The following PKIB variants were observed in gnomAD, a reference collection of about 807,000 sequenced individuals.
PKIB encodes the protein PKI-beta.
PKIB carries 2 observed loss-of-function variants against 4.5 expected under a neutral mutation model. That is an observed-to-expected ratio of 0.44 (90% CI 0.18 to 1.39). PKIB has a LOEUF of 1.39. Among genes scored for constraint, PKIB ranks in the 40% most tolerant of loss-of-function variants. The pLI is 0.27. For missense variants in PKIB, 94 were observed against 92.6 expected, an observed-to-expected ratio of 1.02 and a Z score of -0.06; for synonymous variants, 38 against 36.0, an observed-to-expected ratio of 1.06 and a Z score of -0.20.
At chr6:122,686,532 C>G (rs1186233080) in intron 3 of PKIB, among the ~76,000 whole-genome samples, 1 of 151,786 alleles carries the variant, frequency 6.6e-6, no homozygotes, top group East Asian at 1.9e-4. Flanking sequence ...GGATCTCACT[C>G]TTTCATCCAG....
rs553165011 is a variant in PKIB, at chr6:122,586,498, A to T, written c.-161+491A>T. On this transcript the variant is annotated intron_variant, in intron 3 of 6. Coordinates refer to the PKIB transcript ENST00000392491. ...CTTTGATGCTACTACAACTTCAAAG[A>T]GAGTTTAAATAAATGAAGAGAATGT... Among the ~76,000 whole-genome samples, 22 of 152,260 alleles carry T rather than the reference A, an allele frequency of 1.4e-4. 1 individual carries two copies. The South Asian group carries it at 3.7e-3, about 26-fold the overall frequency.
At chr6:122,506,760 C>T (rs937982647) in intron 2 of PKIB, among the ~76,000 whole-genome samples, 6 of 134,896 alleles carry the variant, frequency 4.4e-5, no homozygotes, top group South Asian at 2.3e-4. Flanking sequence ...AGTGCAGTGG[C>T]GCAATCTCGG....
intron 2 of PKIB, among the ~76,000 whole-genome samples, chr6:122,577,812 G>A (rs934065733): frequency 1.3e-5 from 2 of 151,718 alleles, no homozygotes; most frequent in Non-Finnish European, 2.9e-5. Flanking sequence ...AGGAGGCTGA[G>A]GCAGGAGAAT....
chr6:122,608,061 C>T (rs898856196), upstream of PKIB, among the ~76,000 whole-genome samples: 4 of 152,164 alleles, frequency 2.6e-5, no homozygotes, highest in South Asian at 6.2e-4. Flanking sequence ...CTTCGTTCTA[C>T]GTCAGCCAAC....
intron 2 of PKIB, among the ~76,000 whole-genome samples, chr6:122,633,636 T>G (rs1420562268): frequency 6.6e-6 from 1 of 152,146 alleles, no homozygotes; most frequent in Non-Finnish European, 1.5e-5. Flanking sequence ...GGTTTGATAT[T>G]TCCACTCTTA....
intron 1 of PKIB, among the ~76,000 whole-genome samples, chr6:122,474,779 AT>A (rs1400361152): frequency 2.0e-5 from 3 of 152,226 alleles, no homozygotes; most frequent in African/African-American, 4.8e-5. Flanking sequence ...TCCTTAGAAG[AT>A]AGTCCAGGTT....
intron 2 of PKIB, among the ~76,000 whole-genome samples, chr6:122,637,059 A>C (rs905617643): frequency 6.6e-6 from 1 of 152,232 alleles, no homozygotes; most frequent in Admixed American, 6.5e-5. Flanking sequence ...AATACTTGTC[A>C]GATTGATAAA....
At chr6:122,499,891 A>C (rs577228884) in intron 2 of PKIB, among the ~76,000 whole-genome samples, 1 of 152,312 alleles carries the variant, frequency 6.6e-6, no homozygotes, top group Admixed American at 6.5e-5. Context: ...TATGTACAAA[A>C]ATCAGTAGCA....
At chr6:122,718,467 T>A (rs1023655769) in intron 4 of PKIB, among the ~76,000 whole-genome samples, 1 of 152,170 alleles carries the variant, frequency 6.6e-6, no homozygotes, top group African/African-American at 2.4e-5. Flanking sequence ...ATACTTTATA[T>A]GAAAGTATAA....
In PKIB at chr6:122,704,059, G is replaced by C. The variant is rs1191641644; in HGVS notation, c.-8-13728G>C. Among the ~76,000 whole-genome samples, 4 of 151,750 alleles carry C rather than the reference G, an allele frequency of 2.6e-5. No individual in the cohort carries two copies. In the East Asian group the frequency reaches 7.8e-4, roughly 29 times the overall value. ...CAGGAGAGCTAATGATATGGTTCCA[G>C]TTTGTGTTCAAGTCTGATAACCGGG... is the stretch of plus-strand genomic sequence containing the variant. On this transcript the variant is annotated intron_variant, in intron 3 of 4. Transcript: ENST00000368452.
At chr6:122,541,084 G>A (rs1440148628) in intron 2 of PKIB, among the ~76,000 whole-genome samples, 5 of 150,912 alleles carry the variant, frequency 3.3e-5, no homozygotes, top group East Asian at 3.9e-4. Flanking sequence ...GTCTCTGCAC[G>A]TGAGATGGGT....
At chr6:122,719,404 A>C (rs1042615689) in intron 4 of PKIB, among the ~76,000 whole-genome samples, 3 of 152,194 alleles carry the variant, frequency 2.0e-5, no homozygotes, top group Non-Finnish European at 4.4e-5. Flanking sequence ...TTTACAAATA[A>C]CACCAGATGC....
At chr6:122,692,585 T>G (rs1162589636) in intron 3 of PKIB, among the ~76,000 whole-genome samples, 2 of 152,164 alleles carry the variant, frequency 1.3e-5, no homozygotes, top group Non-Finnish European at 1.5e-5. Context: ...TTCAGGGCAG[T>G]GGGCTCCCAT....
At chr6:122,486,054 C>T (rs1205239457) in intron 2 of PKIB, among the ~76,000 whole-genome samples, 1 of 152,032 alleles carries the variant, frequency 6.6e-6, no homozygotes, top group East Asian at 1.9e-4. Context: ...ACAAAATATA[C>T]CCATGTAACC....
At chr6:122,697,129 G>A (rs1013953752) in intron 3 of PKIB, among the ~76,000 whole-genome samples, 1 of 152,236 alleles carries the variant, frequency 6.6e-6, no homozygotes, top group Admixed American at 6.5e-5. Flanking sequence ...AATTAAGAGG[G>A]TAGGGTGCTC....
intron 2 of PKIB, among the ~76,000 whole-genome samples, chr6:122,543,567 G>A (rs578175597): frequency 6.6e-6 from 1 of 151,824 alleles, no homozygotes; most frequent in South Asian, 2.1e-4. Context: ...TTTAGTAGAG[G>A]CAGTGTTTCA....
intron 3 of PKIB, among the ~76,000 whole-genome samples, chr6:122,589,217 G>C (rs78993986): frequency 3.3e-5 from 5 of 152,076 alleles, no homozygotes; most frequent in Non-Finnish European, 7.4e-5. Context: ...ATGTTTTTGC[G>C]TAGGGGAATG....
At chr6:122,670,161 A>G (rs1413686917) in intron 2 of PKIB, among the ~76,000 whole-genome samples, 2 of 152,074 alleles carry the variant, frequency 1.3e-5, no homozygotes, top group African/African-American at 4.8e-5. Context: ...CTCTTTCAGT[A>G]TGTAACCTGG....
rs562097472 is a variant in PKIB at position 122,625,056 on chromosome 6, A to G, written c.-160-8227A>G. On this transcript the variant is annotated intron_variant, in intron 1 of 4. Transcript: ENST00000368452. ...TAAGACTTTGAGTCAACTTTACTAA[A>G]CTACTATGTAAAAGCAGTTGCGCAA... 2.6e-5 allele frequency among the ~76,000 whole-genome samples: 4 copies of G among 152,350 alleles called. No homozygotes were observed. In the East Asian group the frequency reaches 7.7e-4, roughly 29 times the overall value.
Sources: gnomAD v4.1 joint callset for allele counts (sites outside exome capture counted in the v4.1 genomes callset) on GRCh38, gnomAD v4.1.1 for gene constraint, MANE v1.5 for transcripts, NCBI Gene and HGNC (gene_info 2026-07-23, HGNC 2026-07-21) for gene names.